The following COA8 variants were observed in gnomAD, a reference collection of about 807,000 sequenced individuals.
COA8 encodes UPF0671 protein C14orf153.
In COA8, 20 loss-of-function variants were observed where a neutral mutation model predicts 22.0. That is an observed-to-expected ratio of 0.91 (90% CI 0.64 to 1.32). The LOEUF (loss-of-function observed/expected upper bound fraction) is 1.32. Among genes scored for constraint, COA8 ranks in the 40% most tolerant of loss-of-function variants. The pLI is 0.00. For synonymous variants in COA8, 105 were observed against 79.9 expected, an observed-to-expected ratio of 1.31 and a Z score of -1.68; for missense variants, 266 against 230.0, an observed-to-expected ratio of 1.16 and a Z score of -1.01.
chr14:103,573,032 C>A (rs1260601208), intron 2 of COA8, among the ~76,000 whole-genome samples: 1 of 152,072 alleles, frequency 6.6e-6, no homozygotes, highest in Admixed American at 6.5e-5. Context: ...CCGCCCACCT[C>A]GGCCTCCCAA....
intron 4 of COA8, among the ~76,000 whole-genome samples, chr14:103,588,452 A>C (rs2076326876): frequency 1.3e-5 from 2 of 148,250 alleles, no homozygotes; most frequent in African/African-American, 5.0e-5. Flanking sequence ...TGTCTCAATA[A>C]ATAAATAAAT....
chr14:103,563,912 A>G lies in COA8; in HGVS notation c.123+788A>G, dbSNP rs1002512895. Among the ~76,000 whole-genome samples, 7 of 152,336 alleles carry G rather than the reference A, an allele frequency of 4.6e-5. No individual in the cohort carries two copies. In the Middle Eastern group the frequency reaches 0.01, roughly 222 times the overall value. Reference sequence around the variant, plus strand: ...CGTGGCTCACGCTTGTAATCCCAGCACTTTGGGAGGCCGAGGCAAGCGGAT... The same window carrying G: ...CGTGGCTCACGCTTGTAATCCCAGCGCTTTGGGAGGCCGAGGCAAGCGGAT... On this transcript the variant is annotated intron_variant, in intron 1 of 4. Coordinates refer to ENST00000409074, the MANE Select transcript of COA8 (RefSeq NM_001370595.2).
At chr14:103,589,906 T>C (rs2076337779) in intron 4 of COA8, among the ~76,000 whole-genome samples, 1 of 150,118 alleles carries the variant, frequency 6.7e-6, no homozygotes, top group Non-Finnish European at 1.5e-5. Context: ...AGACCGAGAC[T>C]CCGTCTCAAA....
At chr14:103,574,624 A>G (rs549562955) in intron 3 of COA8, 3 of 352,612 alleles carry the variant, frequency 8.5e-6, no homozygotes, top group South Asian at 6.5e-5. Flanking sequence ...ATCCAAAATC[A>G]TCGACCCCAA....
At chr14:103,571,579 G>A in intron 1 of COA8, 44 bp from the exon 2 acceptor site, 1 of 1,484,948 alleles carries the variant, frequency 6.7e-7, no homozygotes, top group Non-Finnish European at 9.3e-7. Flanking sequence ...TATAATACTA[G>A]AGATTCATTT....
chr14:103,563,243 C>A, intron 1 of COA8, 119 bp downstream of exon 1: 3 of 1,350,628 alleles, frequency 2.2e-6, no homozygotes, highest in Middle Eastern at 1.8e-4. Flanking sequence ...CAGGTGCTCT[C>A]GCGTCCTATC....
chr14:103,583,016 G>A (rs1354350656), intron 3 of COA8, among the ~76,000 whole-genome samples: 2 of 151,772 alleles, frequency 1.3e-5, no homozygotes, highest in African/African-American at 4.8e-5. Context: ...TTTTGTGTCT[G>A]CCTTTTTTTC....
chr14:103,566,288 G>A (rs1037675857), intron 1 of COA8, among the ~76,000 whole-genome samples: 1 of 152,044 alleles, frequency 6.6e-6, no homozygotes, highest in African/African-American at 2.4e-5. Context: ...GGGCATGATG[G>A]TGGTACCTGT....
chr14:103,587,446 A>G, intron 4 of COA8, 82 bp downstream of exon 4: 1 of 796,656 alleles, frequency 1.3e-6, no homozygotes, highest in Non-Finnish European at 2.0e-6. Flanking sequence ...ATTTAACAAC[A>G]TTCATGTTTA....
chr14:103,576,914 C>T lies in COA8; in HGVS notation c.385+2744C>T, dbSNP rs577313857. Reference sequence around the variant, plus strand: ...TGGGTAGGCGCAGGGATCAGTGTCCCGGAAATGTGAGGAAGGGCAAGTGCT... The same window carrying T: ...TGGGTAGGCGCAGGGATCAGTGTCCTGGAAATGTGAGGAAGGGCAAGTGCT... On this transcript the variant is annotated intron_variant, in intron 3 of 4. Transcript: ENST00000409074. Among the ~76,000 whole-genome samples the T allele has an allele frequency of 6.6e-5, 10 of 152,228 alleles. No individual in the cohort carries two copies. In the South Asian group the frequency reaches 1.0e-3, roughly 16 times the overall value.
intron 3 of COA8, chr14:103,579,224 C>T (rs1408253263): frequency 6.2e-6 from 1 of 160,732 alleles, no homozygotes; most frequent in Non-Finnish European, 1.4e-5. Context: ...TAGTACCAAG[C>T]CCTGTATGTA....
At position 103,577,666 on chromosome 14, in the gene COA8, C is replaced by A. The variant is rs895509617; in HGVS notation, c.385+3496C>A. ...GGCTGAGGTGGGTGGATCACTTGAG[C>A]CCAGGAGTTTGAGACCAGCCTGGGC... On this transcript the variant is annotated intron_variant, in intron 3 of 4. Transcript: ENST00000409074. Among the ~76,000 whole-genome samples, 4 of 151,852 alleles carry A rather than the reference C, an allele frequency of 2.6e-5. No homozygotes were observed. In the South Asian group the frequency reaches 8.3e-4, roughly 32 times the overall value.
chr14:103,574,650 T>C (rs1388825823), intron 3 of COA8: 5 of 353,766 alleles, frequency 1.4e-5, no homozygotes, highest in South Asian at 6.5e-5. Flanking sequence ...AAGTCTGTCA[T>C]TGGGCTAAAG....
intron 3 of COA8, among the ~76,000 whole-genome samples, chr14:103,580,652 C>T (rs1595146000): frequency 6.6e-6 from 1 of 151,932 alleles, no homozygotes; most frequent in Middle Eastern, 3.4e-3. Context: ...TGCTACCACA[C>T]CAAGCTAATT....
chr14:103,562,969 C>A lies in COA8; in HGVS notation c.-33C>A. ...GGCCCCTCGCGCCGTCGCAATGCTG[C>A]CGTGCGCCGCGGGAGCCAGGGGGCG... On this transcript the variant is annotated 5_prime_UTR_variant, in exon 1 of 5. Coordinates refer to ENST00000409074, the MANE Select transcript of COA8 (RefSeq NM_001370595.2). The A allele has an allele frequency of 1.3e-6, 2 of 1,512,010 alleles. No homozygotes were observed. Among genetic ancestry groups the A allele is most frequent in the East Asian group, 2.4e-5 (1 of 40,882 alleles). The allele number at this position is 1,512,010 out of a possible 1,614,324, so 93.7% of individuals were successfully genotyped here.
At chr14:103,568,876 C>T (rs899574320) in intron 1 of COA8, among the ~76,000 whole-genome samples, 4 of 152,120 alleles carry the variant, frequency 2.6e-5, no homozygotes, top group African/African-American at 9.7e-5. Context: ...AAATGATCCA[C>T]CTGCTTCGGC....
chr14:103,578,907 G>A (rs1387034695), intron 3 of COA8, among the ~76,000 whole-genome samples: 1 of 152,208 alleles, frequency 6.6e-6, no homozygotes, highest in Non-Finnish European at 1.5e-5. Flanking sequence ...CCACACTGAC[G>A]GAGTGTAGCT....
chr14:103,585,577 CTTTT>C (rs143878801), intron 3 of COA8, among the ~76,000 whole-genome samples: 63 of 128,556 alleles, frequency 4.9e-4, no homozygotes, highest in Admixed American at 4.2e-3. Flanking sequence ...GGTTTTTTCT[CTTTT>C]TTTTTTTTTT....
intron 3 of COA8, chr14:103,574,572 G>A (rs185351706): frequency 7.2e-5 from 27 of 373,108 alleles, no homozygotes; most frequent in South Asian, 3.1e-4. Context: ...CATGCTGTTC[G>A]TTAAACAGAT....
Sources: allele counts gnomAD v4.1 joint callset (sites outside exome capture counted in the v4.1 genomes callset), GRCh38; gene constraint gnomAD v4.1.1; transcripts MANE v1.5; gene names NCBI Gene and HGNC (gene_info 2026-07-23, HGNC 2026-07-21).